Variants in NXN observed in about 807,000 individuals in gnomAD.
The protein encoded by NXN is nucleoredoxin, also known as nucleoredoxin 1.
In NXN, 16 loss-of-function variants were observed where a neutral mutation model predicts 48.6. That is an observed-to-expected ratio of 0.33 (90% confidence interval 0.22 to 0.50). The LOEUF (loss-of-function observed/expected upper bound fraction) is 0.50, where lower values mean the gene tolerates loss of function less well. Among genes scored for constraint, NXN ranks in the 20% least tolerant of loss-of-function variants. The pLI is 0.98. For missense variants in NXN, 492 were observed against 605.5 expected (o/e 0.81, Z 1.97); for synonymous variants, 281 against 269.6 (o/e 1.04, Z -0.41).
chr17:949,889 CCTGGGCACCTT>C (rs2069090405), intron 1 of NXN, among the ~76,000 whole-genome samples: 2 of 151,516 alleles, frequency 1.3e-5, no homozygotes, highest in South Asian at 4.2e-4. Context: ...CCAGCATCTG[CCTGGGCACCTT>C]CTGGTAACAG....
rs1911414199 is a variant in NXN, at chr17:805,058, A to G, written c.1000+10T>C. Reference sequence around the variant, plus strand: ...CCACCCCTCGCCCCCTGCCCCCGTGAGCTTCATACCTACAAAAAGGACGAG... The same window carrying G: ...CCACCCCTCGCCCCCTGCCCCCGTGGGCTTCATACCTACAAAAAGGACGAG... On this transcript the variant is annotated intron_variant, in intron 6 of 7. Transcript: ENST00000336868. The G allele has an allele frequency of 2.0e-6, 3 of 1,505,114 alleles. No homozygotes were observed. The highest frequency in any genetic ancestry group is 2.7e-6 in the Non-Finnish European group (3 of 1,109,568). 93.2% of individuals were successfully genotyped at this position (1,505,114 alleles called of 1,614,324 possible). A position where few individuals can be genotyped will look rare whatever the true frequency, so the allele number is the denominator to read the frequency against.
chr17:978,516 GC>G lies in NXN; in HGVS notation c.360+802del, dbSNP rs2069488142. On this transcript the variant is annotated intron_variant, in intron 1 of 7. Transcript: ENST00000336868. This position sits in a 1 kb window ranked among gnomAD's most constrained non-coding sequence, Gnocchi z 4.1. ...ACTCGAAGACCCCGGGACCACAGGG[GC>G]CACCACGCAGCTGAGCTCTGCACAG... 1 of 152,466 alleles carries G rather than the reference GC, an allele frequency of 6.6e-6. No homozygotes were observed. Among genetic ancestry groups the G allele is most frequent in the African/African-American group, 2.4e-5 (1 of 41,478 alleles). The allele number at this position is 152,466 out of a possible 1,614,324, so 9.4% of individuals were successfully genotyped here.
Position 805,159 on chromosome 17 carries a change from C to G in NXN, c.909G>C (p.Arg303=). ...RVEVLNDEDC[R]EFPWHPKPVL... is the part of the protein sequence containing the mutation. ...CGGGCTTGGGGTGCCAGGGGAACTCCCGGCAGTCCTCGTCGTTCAGCACCT... is the reference window on the plus strand; with the variant it reads ...CGGGCTTGGGGTGCCAGGGGAACTCGCGGCAGTCCTCGTCGTTCAGCACCT... Residue 303 remains arginine, a synonymous_variant, in exon 6 of 8, where the codon CGG becomes CGC. Transcript: ENST00000336868. The G allele has an allele frequency of 1.9e-6, 3 of 1,610,454 alleles. No individual in the cohort carries two copies. Among genetic ancestry groups the G allele is most frequent in the Non-Finnish European group, 2.5e-6 (3 of 1,178,962 alleles).
At chr17:862,759 G>A (rs2068053765) in intron 1 of NXN, among the ~76,000 whole-genome samples, 1 of 152,168 alleles carries the variant, frequency 6.6e-6, no homozygotes, top group Non-Finnish European at 1.5e-5. Context: ...ACTATGATGT[G>A]GCTCCTGGTG....
At chr17:846,987 G>A (rs755968383) in intron 1 of NXN, among the ~76,000 whole-genome samples, 5 of 152,184 alleles carry the variant, frequency 3.3e-5, no homozygotes, top group Non-Finnish European at 7.3e-5. Context: ...TCTGGTAGAT[G>A]AGGAATGTGA....
Position 892,408 on chromosome 17 carries a change from C to A in NXN, c.361-66330G>T, listed in dbSNP as rs138966399. On this transcript the variant is annotated intron_variant, in intron 1 of 7. Transcript: ENST00000336868. Reference sequence around the variant, plus strand: ...GGATTATGGCTGGAATGCTGCCTCTCACTTACAGCTGACCCTCTTCCCAGG... The same window carrying A: ...GGATTATGGCTGGAATGCTGCCTCTAACTTACAGCTGACCCTCTTCCCAGG... 1.1e-3 allele frequency among the ~76,000 whole-genome samples: 167 copies of A among 152,294 alleles called. 2 individuals are homozygous for A. Among genetic ancestry groups the A allele is most frequent in the African/African-American group, 3.9e-3 (162 of 41,554 alleles).
intron 1 of NXN, among the ~76,000 whole-genome samples, chr17:923,931 A>T (rs1309392146): frequency 7.9e-5 from 12 of 152,224 alleles, no homozygotes; most frequent in Admixed American, 7.9e-4. Flanking sequence ...TATATAGTTA[A>T]ACCCCACTTT....
intron 1 of NXN, among the ~76,000 whole-genome samples, chr17:846,207 T>A (rs1422048951): frequency 6.6e-6 from 1 of 151,334 alleles, no homozygotes; most frequent in African/African-American, 2.4e-5. Flanking sequence ...GGCAGGTGGA[T>A]CACAAGGTCA....
At chr17:976,258 C>A (rs1419696511) in intron 1 of NXN, among the ~76,000 whole-genome samples, 3 of 151,150 alleles carry the variant, frequency 2.0e-5, no homozygotes, top group Non-Finnish European at 4.4e-5. Flanking sequence ...GCAGGCTTAA[C>A]ATATACGGTC....
intron 1 of NXN, among the ~76,000 whole-genome samples, chr17:859,091 T>G (rs1293692424): frequency 6.6e-6 from 1 of 152,180 alleles, no homozygotes; most frequent in Non-Finnish European, 1.5e-5. Context: ...GGAGAGTATC[T>G]TTACCAAAAA....
chr17:924,193 T>C (rs1200188178), intron 1 of NXN, among the ~76,000 whole-genome samples: 2 of 152,158 alleles, frequency 1.3e-5, no homozygotes, highest in South Asian at 2.1e-4. Context: ...CAGGTGTGTA[T>C]CACCAAACCC....
intron 1 of NXN, among the ~76,000 whole-genome samples, chr17:841,496 GCGC>G (rs1914244296): frequency 7.1e-6 from 1 of 139,974 alleles, no homozygotes; most frequent in Non-Finnish European, 1.6e-5. Context: ...CCTGACCACG[GCGC>G]ATCTCACACG....
At chr17:939,142 A>G (rs946834822) in intron 1 of NXN, among the ~76,000 whole-genome samples, 2 of 152,230 alleles carry the variant, frequency 1.3e-5, no homozygotes. Flanking sequence ...TTCCTCTTCT[A>G]GGAATTTATC....
At chr17:916,668 G>A (rs2068691357) in intron 1 of NXN, among the ~76,000 whole-genome samples, 1 of 152,160 alleles carries the variant, frequency 6.6e-6, no homozygotes, top group Non-Finnish European at 1.5e-5. Context: ...GCCGGGCACG[G>A]TGGCTCACGC....
intron 1 of NXN, among the ~76,000 whole-genome samples, chr17:945,555 C>T (rs957777002): frequency 6.7e-6 from 1 of 148,568 alleles, no homozygotes; most frequent in Non-Finnish European, 1.5e-5. Context: ...GGCGTGAACC[C>T]GGGAGGCAGA....
At chr17:938,838 TC>T (rs1304518910) in intron 1 of NXN, among the ~76,000 whole-genome samples, 2 of 151,894 alleles carry the variant, frequency 1.3e-5, no homozygotes, top group Non-Finnish European at 2.9e-5. Flanking sequence ...GGCGGGCGGA[TC>T]ACTTGAGGCC....
intron 1 of NXN, chr17:896,859 C>CGGGGGGGCGGGG: frequency 1.8e-6 from 1 of 541,044 alleles, no homozygotes; most frequent in South Asian, 1.7e-5. Context: ...TCCTGACCAC[C>CGGGGGGGCGGGG]CGCCCCCGGC....
intron 1 of NXN, among the ~76,000 whole-genome samples, chr17:946,722 G>A (rs545177722): frequency 1.1e-4 from 17 of 152,340 alleles, no homozygotes; most frequent in African/African-American, 3.6e-4. Context: ...CGCAGCGGGC[G>A]ACTGTACCGC....
chr17:812,490 C>G (rs892900434), intron 5 of NXN, among the ~76,000 whole-genome samples: 1 of 152,192 alleles, frequency 6.6e-6, no homozygotes, highest in Admixed American at 6.5e-5. Flanking sequence ...GGGAGCAGGA[C>G]GTCCCCAGAG....
Sources: allele counts gnomAD v4.1 joint callset (sites outside exome capture counted in the v4.1 genomes callset), GRCh38; gene constraint gnomAD v4.1.1; non-coding constraint Gnocchi (gnomAD v3.1); transcripts MANE v1.5; gene names NCBI Gene and HGNC (gene_info 2026-07-23, HGNC 2026-07-21).